The following STK39 variants were observed in gnomAD, a reference collection of about 807,000 sequenced individuals.
The protein encoded by STK39 is STE20/SPS1-related proline-alanine-rich protein kinase.
Under a neutral mutation model 77.8 loss-of-function variants are expected in STK39, and 20 were observed. That is an observed-to-expected ratio of 0.26 (90% confidence interval 0.18 to 0.37). The LOEUF (loss-of-function observed/expected upper bound fraction) is 0.37. Among genes scored for constraint, STK39 ranks in the 10% least tolerant of loss-of-function variants. The pLI is 1.00. For missense variants in STK39, 479 were observed against 656.5 expected (o/e 0.73, Z 2.95); for synonymous variants, 246 against 234.1 (o/e 1.05, Z -0.47).
At chr2:168,174,388 A>T (rs1444739600) in intron 2 of STK39, among the ~76,000 whole-genome samples, 1 of 152,198 alleles carries the variant, frequency 6.6e-6, no homozygotes, top group East Asian at 1.9e-4. Flanking sequence ...CTCTGCAAAA[A>T]CTGTCCTAAA....
intron 1 of STK39, among the ~76,000 whole-genome samples, chr2:168,190,537 C>A (rs1274955837): frequency 1.3e-5 from 2 of 152,232 alleles, no homozygotes; most frequent in African/African-American, 4.8e-5. Flanking sequence ...ACTGAATCCA[C>A]TGGCCCCTGC....
intron 14 of STK39, among the ~76,000 whole-genome samples, chr2:168,060,931 A>G (rs909252725): frequency 1.3e-5 from 2 of 151,978 alleles, no homozygotes; most frequent in Non-Finnish European, 2.9e-5. Context: ...TGTTTTGGAT[A>G]AAGATTAAAA....
chr2:168,140,236 G>T, intron 7 of STK39, 53 bp downstream of exon 7: 1 of 1,420,234 alleles, frequency 7.0e-7, no homozygotes, highest in Non-Finnish European at 1.0e-6. Context: ...TTAGAAAACA[G>T]ATTCCGTCCA....
At chr2:167,999,698 A>G (rs1299348235) in intron 16 of STK39, among the ~76,000 whole-genome samples, 5 of 152,162 alleles carry the variant, frequency 3.3e-5, no homozygotes, top group Non-Finnish European at 5.9e-5. Context: ...TCCTGACCTC[A>G]TGATCCACCC....
intron 10 of STK39, among the ~76,000 whole-genome samples, chr2:168,108,992 C>T (rs932457706): frequency 6.6e-6 from 1 of 152,106 alleles, no homozygotes; most frequent in Non-Finnish European, 1.5e-5. Flanking sequence ...GTACTGTTAC[C>T]ACCCTACTTT....
intron 16 of STK39, among the ~76,000 whole-genome samples, chr2:167,983,775 CTAAACTGAAA>C (rs1683490193): frequency 6.6e-6 from 1 of 152,144 alleles, no homozygotes; most frequent in Admixed American, 6.5e-5. Context: ...GTCTTTCTCC[CTAAACTGAAA>C]TATGGATTTA....
intron 4 of STK39, among the ~76,000 whole-genome samples, chr2:168,162,917 C>T (rs1294345356): frequency 6.6e-6 from 1 of 151,680 alleles, no homozygotes; most frequent in Non-Finnish European, 1.5e-5. Flanking sequence ...ATCCCAGCTA[C>T]TCGGGAGGCT....
chr2:168,023,253 C>T (rs1684612567), intron 14 of STK39, among the ~76,000 whole-genome samples: 1 of 148,958 alleles, frequency 6.7e-6, no homozygotes, highest in South Asian at 2.1e-4. Context: ...ATGTTCAGTG[C>T]TGACAAACTT....
Position 168,126,167 on chromosome 2 carries a change from T to A in STK39, c.1089+3374A>T, listed in dbSNP as rs967732802. On this transcript the variant is annotated intron_variant, in intron 10 of 17. Transcript: ENST00000355999. ...TATCATTTAAACACTCATGTGTCAA[T>A]GGACTGTCTGTTTCTCTTTGAAAAA... Among the ~76,000 whole-genome samples, 16 of 152,264 alleles carry A rather than the reference T, an allele frequency of 1.1e-4. 1 individual carries two copies. In the Middle Eastern group the frequency reaches 0.014, roughly 129 times the overall value.
intron 1 of STK39, among the ~76,000 whole-genome samples, chr2:168,242,113 T>C (rs2105281451): frequency 6.6e-6 from 1 of 152,302 alleles, no homozygotes; most frequent in East Asian, 1.9e-4. Context: ...TTACCACAGT[T>C]TCAAGAGAGA....
In STK39 at chr2:168,247,548, CCG is replaced by C; in HGVS notation, c.-115_-114del. On this transcript the variant is annotated 5_prime_UTR_variant, in exon 1 of 18. Coordinates refer to ENST00000355999, the MANE Select transcript of STK39 (RefSeq NM_013233.3). ...GGCCGGCGCACGCCCTCCCCGCCCG[CCG>C]CCGCCGCCGCCGTCCCCGCCGAAGC... The C allele has an allele frequency of 1.5e-6, 1 of 667,540 alleles. No individual in the cohort carries two copies. Among genetic ancestry groups the C allele is most frequent in the Non-Finnish European group, 2.0e-6 (1 of 512,250 alleles). The allele number at this position is 667,540 out of a possible 1,614,324, so 41.4% of individuals were successfully genotyped here.
chr2:168,085,567 T>A (rs993746821), intron 10 of STK39, among the ~76,000 whole-genome samples: 1 of 152,256 alleles, frequency 6.6e-6, no homozygotes, highest in Non-Finnish European at 1.5e-5. Flanking sequence ...GACAAGGTCA[T>A]GATTTTGAGC....
intron 14 of STK39, among the ~76,000 whole-genome samples, chr2:168,034,587 T>G (rs1024695078): frequency 1.3e-5 from 2 of 152,226 alleles, no homozygotes; most frequent in African/African-American, 2.4e-5. Flanking sequence ...GCACTGATGT[T>G]ACACACTCTC....
intron 8 of STK39, among the ~76,000 whole-genome samples, chr2:168,131,423 T>A (rs373622383): frequency 6.6e-5 from 10 of 152,162 alleles, no homozygotes; most frequent in African/African-American, 2.4e-4. Flanking sequence ...ATCCTCATGC[T>A]TGACAAAATT....
chr2:168,020,562 T>G (rs964956841), intron 14 of STK39, among the ~76,000 whole-genome samples: 4 of 151,846 alleles, frequency 2.6e-5, no homozygotes, highest in East Asian at 1.9e-4. Context: ...TAAGTAACAC[T>G]AATATATAAA....
intron 2 of STK39, among the ~76,000 whole-genome samples, chr2:168,176,826 TA>T (rs1688967597): frequency 6.6e-6 from 1 of 152,218 alleles, no homozygotes; most frequent in African/African-American, 2.4e-5. Flanking sequence ...TCTGCTATCA[TA>T]CCGTAATGCT....
At chr2:168,167,163 C>T in intron 3 of STK39, 136 bp downstream of exon 3, 1 of 718,492 alleles carries the variant, frequency 1.4e-6, no homozygotes, top group Non-Finnish European at 2.3e-6. Flanking sequence ...GGACGTTATC[C>T]TCTAGGCAAT....
intron 16 of STK39, among the ~76,000 whole-genome samples, chr2:167,987,809 T>C (rs979606748): frequency 6.6e-6 from 1 of 152,206 alleles, no homozygotes; most frequent in East Asian, 1.9e-4. Context: ...TGACAGTTCC[T>C]CATTTTGACT....
chr2:168,083,450 C>T (rs1686290905), intron 10 of STK39, among the ~76,000 whole-genome samples: 1 of 151,994 alleles, frequency 6.6e-6, no homozygotes, highest in Admixed American at 6.6e-5. Context: ...AAGTTCTAGA[C>T]CAAAGATGAA....
Sources: gnomAD v4.1 joint callset for allele counts (sites outside exome capture counted in the v4.1 genomes callset) on GRCh38, gnomAD v4.1.1 for gene constraint, MANE v1.5 for transcripts, NCBI Gene and HGNC (gene_info 2026-07-23, HGNC 2026-07-21) for gene names.